The following GBE1 variants were observed in gnomAD, a reference collection of about 807,000 sequenced individuals.
The protein encoded by GBE1 is 1,4-alpha-glucan-branching enzyme.
Under a neutral mutation model 88.8 loss-of-function variants are expected in GBE1, and 70 were observed. The observed-to-expected ratio is 0.79, with a 90% CI of 0.65 to 0.96. GBE1 has a LOEUF of 0.96. Among genes scored for constraint, GBE1 ranks in the 40% least tolerant of loss-of-function variants. The pLI, the probability that GBE1 is intolerant of heterozygous loss-of-function variation, is 0.00. For missense variants in GBE1, 872 were observed against 871.0 expected (o/e 1.00, Z -0.01); for synonymous variants, 284 against 300.1 (o/e 0.95, Z 0.56).
intron 7 of GBE1, among the ~76,000 whole-genome samples, chr3:81,623,926 C>A (rs992646075): frequency 2.0e-5 from 3 of 152,154 alleles, no homozygotes; most frequent in Admixed American, 6.5e-5. Context: ...CTGTCTTGGC[C>A]TCCCAAAGTA....
intron 7 of GBE1, among the ~76,000 whole-genome samples, chr3:81,602,320 A>T (rs1704044126): frequency 6.6e-6 from 1 of 152,222 alleles, no homozygotes; most frequent in Non-Finnish European, 1.5e-5. Context: ...GATAGATTCA[A>T]CATGGTCAAC....
At chr3:81,665,261 T>C (rs939231935) in intron 3 of GBE1, among the ~76,000 whole-genome samples, 12 of 152,046 alleles carry the variant, frequency 7.9e-5, no homozygotes, top group Non-Finnish European at 1.5e-4. Flanking sequence ...TGGCCGGGCG[T>C]GGTGGCTCAC....
intron 14 of GBE1, among the ~76,000 whole-genome samples, chr3:81,517,714 T>C (rs865859677): frequency 2.0e-4 from 30 of 151,576 alleles, no homozygotes; most frequent in African/African-American, 4.8e-5. Context: ...TTATTGATAA[T>C]AGCTTATCAA....
intron 1 of GBE1, among the ~76,000 whole-genome samples, chr3:81,711,938 A>T (rs1474721190): frequency 3.3e-5 from 5 of 152,128 alleles, no homozygotes; most frequent in East Asian, 3.9e-4. Flanking sequence ...GAATCTACAA[A>T]GAACTCAAAC....
intron 1 of GBE1, among the ~76,000 whole-genome samples, chr3:81,745,075 G>A (rs1706402543): frequency 2.0e-5 from 3 of 152,046 alleles, no homozygotes; most frequent in South Asian, 2.1e-4. Context: ...CAGGTAGGAC[G>A]CCTATCTTAC....
intron 14 of GBE1, among the ~76,000 whole-genome samples, chr3:81,501,976 G>A (rs1200645885): frequency 6.7e-6 from 1 of 149,704 alleles, no homozygotes; most frequent in Non-Finnish European, 1.5e-5. Context: ...TGGGATTAAT[G>A]AGCTACCATG....
intron 3 of GBE1, among the ~76,000 whole-genome samples, chr3:81,658,449 T>A (rs1383970694): frequency 6.6e-6 from 1 of 152,162 alleles, no homozygotes; most frequent in African/African-American, 2.4e-5. Flanking sequence ...ATTTCTGTAA[T>A]ACTTACACAT....
intron 12 of GBE1, among the ~76,000 whole-genome samples, chr3:81,577,506 A>G (rs775384537): frequency 3.2e-4 from 49 of 152,166 alleles, no homozygotes; most frequent in Non-Finnish European, 4.7e-4. Context: ...CACATTTATA[A>G]CACAAGTATA....
At chr3:81,702,599 TA>T (rs943338968) in intron 2 of GBE1, among the ~76,000 whole-genome samples, 4 of 152,026 alleles carry the variant, frequency 2.6e-5, no homozygotes, top group Non-Finnish European at 5.9e-5. Flanking sequence ...TGCCCTTAGT[TA>T]CTAAATATTT....
intron 9 of GBE1, among the ~76,000 whole-genome samples, chr3:81,588,938 A>G (rs970720638): frequency 6.6e-6 from 1 of 152,084 alleles, no homozygotes; most frequent in African/African-American, 2.4e-5. Flanking sequence ...TGACTCCTAA[A>G]TCTGACTTCT....
intron 1 of GBE1, among the ~76,000 whole-genome samples, chr3:81,740,046 A>G (rs1232228621): frequency 1.3e-5 from 2 of 152,002 alleles, no homozygotes; most frequent in African/African-American, 2.4e-5. Context: ...GCAGCATAGC[A>G]AGACCCCATC....
intron 14 of GBE1, among the ~76,000 whole-genome samples, chr3:81,517,919 A>G (rs1702819917): frequency 6.6e-6 from 1 of 151,300 alleles, no homozygotes; most frequent in African/African-American, 2.4e-5. Flanking sequence ...CCATACTCCT[A>G]TCAGAGATTT....
rs116867547 is a variant in GBE1, at chr3:81,569,862, C to T, written c.1618+8063G>A. Among the ~76,000 whole-genome samples the T allele has an allele frequency of 1.1e-3, 166 of 151,972 alleles. 1 individual carries two copies. In the East Asian group the frequency reaches 0.028, roughly 25 times the overall value. ...AAGATTTTGCTCTTGTTGCCCAGGC[C>T]GGAGTGTAATGGTGTGATCTTAGCT... On this transcript the variant is annotated intron_variant, in intron 12 of 15. Transcript: ENST00000429644.
At position 81,523,059 on chromosome 3, in the gene GBE1, G is replaced by A. The variant is rs183218135; in HGVS notation, c.1934+12136C>T. Among the ~76,000 whole-genome samples the A allele has an allele frequency of 1.1e-3, 164 of 151,284 alleles. 2 individuals carry two copies. The highest frequency in any genetic ancestry group is 3.6e-3 in the African/African-American group (148 of 41,392). ...AATTTGTGTCAAGATTTTCAAAACC[G>A]AACCAGGCTTTCATATACAGTGTAA... is the stretch of plus-strand genomic sequence containing the variant. On this transcript the variant is annotated intron_variant, in intron 14 of 15. Transcript: ENST00000429644.
intron 14 of GBE1, among the ~76,000 whole-genome samples, chr3:81,529,766 T>C (rs1308144720): frequency 6.6e-6 from 1 of 152,068 alleles, no homozygotes; most frequent in Non-Finnish European, 1.5e-5. Flanking sequence ...CTTTGGGAAA[T>C]TGATTTTTAA....
intron 14 of GBE1, among the ~76,000 whole-genome samples, chr3:81,517,076 G>C (rs1452887119): frequency 6.6e-6 from 1 of 151,434 alleles, no homozygotes; most frequent in Admixed American, 6.6e-5. Flanking sequence ...AATTTTGAAA[G>C]AGTTCTACTG....
At chr3:81,633,869 G>C (rs1704552553) in intron 7 of GBE1, among the ~76,000 whole-genome samples, 1 of 152,146 alleles carries the variant, frequency 6.6e-6, no homozygotes. Flanking sequence ...CTTAGTGACT[G>C]GTTTTTATCC....
intron 1 of GBE1, among the ~76,000 whole-genome samples, chr3:81,721,465 C>G (rs1222574909): frequency 6.6e-6 from 1 of 152,028 alleles, no homozygotes; most frequent in Non-Finnish European, 1.5e-5. Context: ...CAAATAATTA[C>G]TGTTTTGGCC....
chr3:81,521,067 A>G (rs550361703), intron 14 of GBE1, among the ~76,000 whole-genome samples: 17 of 151,648 alleles, frequency 1.1e-4, no homozygotes, highest in African/African-American at 4.1e-4. Flanking sequence ...CCTCCAAAAC[A>G]GCTCCCCTTC....
Sources: allele counts gnomAD v4.1 joint callset (sites outside exome capture counted in the v4.1 genomes callset), GRCh38; gene constraint gnomAD v4.1.1; transcripts MANE v1.5; gene names NCBI Gene and HGNC (gene_info 2026-07-23, HGNC 2026-07-21).